NOX4: variants seen among roughly 807,000 people sequenced by gnomAD.
NOX4 encodes kidney oxidase-1.
Under a neutral mutation model 87.6 loss-of-function variants are expected in NOX4, and 69 were observed. The observed-to-expected ratio is 0.79, with a 90% CI of 0.65 to 0.96. The LOEUF is 0.96. Ranked by LOEUF, NOX4 falls within the 40% of genes least tolerant of loss-of-function variation. The pLI, the probability that NOX4 is intolerant of heterozygous loss-of-function variation, is 0.00. For missense variants in NOX4, 680 were observed against 681.5 expected (o/e 1.00, Z 0.02); for synonymous variants, 275 against 238.2 (o/e 1.15, Z -1.42).
In NOX4 at chr11:89,340,226, G is replaced by T. The variant is rs915574705; in HGVS notation, c.1338-55C>A. 13 of 1,136,522 alleles carry T rather than the reference G, an allele frequency of 1.1e-5. No homozygotes were observed. The Admixed American group carries it at 2.4e-4, about 21-fold the overall frequency. 70.4% of individuals were successfully genotyped at this position (1,136,522 alleles called of 1,614,324 possible). A position where few individuals can be genotyped will look rare whatever the true frequency, so the allele number is the denominator to read the frequency against. On this transcript the variant is annotated intron_variant, in intron 14 of 17. Transcript: ENST00000263317. ...TAGGATGGCAAACACAAATATTAAA[G>T]AATTCGTATATTTTTTAAAGTTTCC...
the NOX4 span, among the ~76,000 whole-genome samples, chr11:89,539,853 G>A: frequency 2.6e-5 from 4 of 152,162 alleles, no homozygotes; most frequent in Non-Finnish European, 5.9e-5. Context: ...CCCATTGGAA[G>A]AGCGTCAAAG....
intron 12 of NOX4, among the ~76,000 whole-genome samples, chr11:89,367,603 T>C (rs1939104158): frequency 1.3e-5 from 2 of 152,054 alleles, no homozygotes; most frequent in Admixed American, 6.6e-5. Context: ...AAAGATAAAG[T>C]CTTCCATTTG....
intron 11 of NOX4, among the ~76,000 whole-genome samples, chr11:89,380,354 T>C (rs1159062599): frequency 3.3e-5 from 5 of 152,070 alleles, no homozygotes; most frequent in Admixed American, 1.3e-4. Flanking sequence ...GTCAAACCCA[T>C]TGAAGAGTGA....
At chr11:89,541,983 T>G in the NOX4 span, among the ~76,000 whole-genome samples, 2 of 56,626 alleles carry the variant, frequency 3.5e-5, no homozygotes, top group African/African-American at 9.3e-5. Flanking sequence ...TTTTTGTAGT[T>G]TTTTTTTTGT....
chr11:89,468,959 G>A (rs1027450335), intron 2 of NOX4, among the ~76,000 whole-genome samples: 3 of 151,930 alleles, frequency 2.0e-5, no homozygotes, highest in African/African-American at 7.3e-5. Context: ...TAAACTCCTG[G>A]CCTCAAGTGA....
At chr11:89,470,345 C>T (rs1300546366) in intron 2 of NOX4, among the ~76,000 whole-genome samples, 1 of 152,054 alleles carries the variant, frequency 6.6e-6, no homozygotes, top group East Asian at 1.9e-4. Flanking sequence ...GTTGTATAAA[C>T]TGAGCTTTAT....
intron 11 of NOX4, among the ~76,000 whole-genome samples, chr11:89,376,306 T>C (rs1939831141): frequency 6.6e-6 from 1 of 152,224 alleles, no homozygotes; most frequent in African/African-American, 2.4e-5. Context: ...ATTCAGTATA[T>C]GTGGTTTGAA....
intron 7 of NOX4, among the ~76,000 whole-genome samples, chr11:89,426,887 C>G (rs1434595070): frequency 6.6e-6 from 1 of 152,166 alleles, no homozygotes; most frequent in East Asian, 1.9e-4. Flanking sequence ...GTTCTCCCAG[C>G]ATGGAATTTG....
intron 11 of NOX4, among the ~76,000 whole-genome samples, chr11:89,398,509 A>T (rs1941636452): frequency 6.6e-6 from 1 of 151,716 alleles, no homozygotes; most frequent in Non-Finnish European, 1.5e-5. Context: ...GATTAGGCAA[A>T]ACTTCTTAAG....
At chr11:89,416,074 T>C (rs1195184900) in intron 8 of NOX4, among the ~76,000 whole-genome samples, 2 of 152,142 alleles carry the variant, frequency 1.3e-5, no homozygotes, top group South Asian at 2.1e-4. Context: ...CTCTTAAAAC[T>C]TTCCCCACTG....
chr11:89,340,410 T>A (rs1945931889), intron 14 of NOX4, among the ~76,000 whole-genome samples: 1 of 43,584 alleles, frequency 2.3e-5, no homozygotes, highest in Non-Finnish European at 4.1e-5. Flanking sequence ...GGTGTTTAAG[T>A]GTTAAATGTT....
At chr11:89,445,188 T>C (rs970840748) in intron 4 of NOX4, among the ~76,000 whole-genome samples, 5 of 152,146 alleles carry the variant, frequency 3.3e-5, no homozygotes, top group African/African-American at 1.2e-4. Context: ...CTTAATGAGA[T>C]AAGTGATCTG....
the NOX4 span, among the ~76,000 whole-genome samples, chr11:89,517,344 C>T: frequency 3.3e-5 from 5 of 152,032 alleles, no homozygotes; most frequent in African/African-American, 1.2e-4. Flanking sequence ...ATTTGGTTGA[C>T]CGCTCATCAA....
chr11:89,573,567 T>C, the NOX4 span, among the ~76,000 whole-genome samples: 3 of 152,194 alleles, frequency 2.0e-5, no homozygotes, highest in South Asian at 2.1e-4. Context: ...GTGGCAGATA[T>C]CTGAGTTACC....
chr11:89,378,324 T>G (rs1411553853), intron 11 of NOX4, among the ~76,000 whole-genome samples: 1 of 152,180 alleles, frequency 6.6e-6, no homozygotes, highest in Non-Finnish European at 1.5e-5. Flanking sequence ...AGTGACTTCC[T>G]TTCCATTTCT....
At chr11:89,468,410 G>T (rs1446845264) in intron 2 of NOX4, among the ~76,000 whole-genome samples, 2 of 152,186 alleles carry the variant, frequency 1.3e-5, no homozygotes, top group Admixed American at 6.5e-5. Flanking sequence ...CCAATATTCA[G>T]TACATTCTTG....
At chr11:89,443,011 A>G (rs1034510859) in intron 5 of NOX4, among the ~76,000 whole-genome samples, 3 of 152,104 alleles carry the variant, frequency 2.0e-5, no homozygotes, top group Admixed American at 6.6e-5. Flanking sequence ...CTGAAATTAC[A>G]TGTGAAGCGC....
chr11:89,362,751 T>G (rs1308312361), intron 12 of NOX4, among the ~76,000 whole-genome samples: 4 of 151,984 alleles, frequency 2.6e-5, no homozygotes, highest in Non-Finnish European at 4.4e-5. Flanking sequence ...TTATAGATCT[T>G]GGAGTATTAT....
chr11:89,578,985 T>G, the NOX4 span, among the ~76,000 whole-genome samples: 2 of 152,228 alleles, frequency 1.3e-5, no homozygotes, highest in African/African-American at 4.8e-5. Context: ...ATAAAACAAA[T>G]GAACTATCCA....
Sources: allele counts gnomAD v4.1 joint callset (sites outside exome capture counted in the v4.1 genomes callset), GRCh38; gene constraint gnomAD v4.1.1; transcripts MANE v1.5; gene names NCBI Gene and HGNC (gene_info 2026-07-23, HGNC 2026-07-21).